The following PRKN variants were observed in gnomAD, a reference collection of about 807,000 sequenced individuals.
PRKN encodes parkin RBR E3 ubiquitin protein ligase.
PRKN carries 56 observed loss-of-function variants against 59.5 expected under a neutral mutation model. That is an observed-to-expected ratio of 0.94 (90% CI 0.76 to 1.18). PRKN has a LOEUF of 1.18. Among genes scored for constraint, PRKN ranks in the 50% most tolerant of loss-of-function variants. The pLI is 0.00. For missense variants in PRKN, 657 were observed against 596.4 expected (o/e 1.10, Z -1.06); for synonymous variants, 250 against 222.1 (o/e 1.13, Z -1.12).
At chr6:161,767,289 G>A (rs9365325) in intron 7 of PRKN, among the ~76,000 whole-genome samples, 72,401 of 151,710 alleles carry the variant, frequency 0.48, 20,053 homozygotes, top group Non-Finnish European at 0.61. Context: ...TGAGGCGGGC[G>A]GATCACTAGG....
intron 1 of PRKN, among the ~76,000 whole-genome samples, chr6:162,489,784 G>T (rs1436656622): frequency 6.6e-6 from 1 of 152,132 alleles, no homozygotes; most frequent in Non-Finnish European, 1.5e-5. Context: ...TGCTGTCCGT[G>T]CACTCACAAA....
At chr6:162,176,039 T>C (rs1042801680) in intron 4 of PRKN, among the ~76,000 whole-genome samples, 1 of 152,210 alleles carries the variant, frequency 6.6e-6, no homozygotes, top group Non-Finnish European at 1.5e-5. Context: ...TCTGGCAATA[T>C]GGTAGTTAGA....
chr6:162,523,844 C>A (rs1020846104), intron 1 of PRKN, among the ~76,000 whole-genome samples: 1 of 151,760 alleles, frequency 6.6e-6, no homozygotes, highest in Non-Finnish European at 1.5e-5. Flanking sequence ...TAGCACCACC[C>A]CATCTCTAAA....
At chr6:162,657,447 A>G (rs1277901917) in intron 1 of PRKN, among the ~76,000 whole-genome samples, 1 of 152,094 alleles carries the variant, frequency 6.6e-6, no homozygotes, top group Non-Finnish European at 1.5e-5. Context: ...TTCCATCAAT[A>G]TGTGTTTTAT....
rs1180657656 is a variant in PRKN at position 161,488,084 on chromosome 6, G to T, written c.1083+60770C>A. Among the ~76,000 whole-genome samples, 1 of 152,228 alleles carries T rather than the reference G, an allele frequency of 6.6e-6. No individual in the cohort carries two copies. Among genetic ancestry groups the T allele is most frequent in the Non-Finnish European group, 1.5e-5 (1 of 68,050 alleles). On this transcript the variant is annotated intron_variant, in intron 9 of 11. Transcript: ENST00000366898. The surrounding 1 kb of genome is among the most constrained non-coding windows in gnomAD (Gnocchi z 4.5). ...TGAAGAAAGCAGGGCTGGCTTACAG[G>T]GTGAGATCGTGCAGTGGTTGGGGAA...
At position 161,779,886 on chromosome 6, in the gene PRKN, A is replaced by C. The variant is rs535717503; in HGVS notation, c.871+5886T>G. ...GGTAATTGGCTGATTTATGCATTGA[A>C]TTATAGGAAATCCCAATCCCAACCT... is the stretch of plus-strand genomic sequence containing the variant. On this transcript the variant is annotated intron_variant, in intron 7 of 11. Transcript: ENST00000366898. Among the ~76,000 whole-genome samples the C allele has an allele frequency of 1.8e-4, 27 of 152,324 alleles. No homozygotes were observed. The South Asian group carries it at 5.4e-3, about 30-fold the overall frequency.
rs59174358 is a variant in PRKN at position 161,382,111 on chromosome 6, C to CAAAAAAAA, written c.1167+4675_1167+4682dup. Among the ~76,000 whole-genome samples, 174 of 46,236 alleles carry CAAAAAAAA rather than the reference C, an allele frequency of 3.8e-3. 5 individuals carry two copies. Among genetic ancestry groups the CAAAAAAAA allele is most frequent in the East Asian group, 8.4e-3 (12 of 1,434 alleles). 30.3% of individuals were successfully genotyped at this position (46,236 alleles called of 152,430 possible). ...TGGGTGAAAGAGCGAGACTCCATCT[C>CAAAAAAAA]AAAAAAAAAAAAAAAAAAAAAATCA... On this transcript the variant is annotated intron_variant, in intron 10 of 11. Transcript: ENST00000366898.
At chr6:162,294,613 G>A (rs1031319938) in intron 2 of PRKN, among the ~76,000 whole-genome samples, 14 of 152,128 alleles carry the variant, frequency 9.2e-5, no homozygotes, top group Non-Finnish European at 1.6e-4. Context: ...ATTTAATTGG[G>A]CAACTGGAAA....
intron 2 of PRKN, among the ~76,000 whole-genome samples, chr6:162,342,258 AC>A (rs1784212879): frequency 6.6e-6 from 1 of 151,308 alleles, no homozygotes; most frequent in Non-Finnish European, 1.5e-5. Flanking sequence ...ATTATGGCCA[AC>A]GTTTCCCTTC....
At position 161,920,785 on chromosome 6, in the gene PRKN, TA is replaced by T. The variant is rs74980727; in HGVS notation, c.734+52516del. On this transcript the variant is annotated intron_variant, in intron 6 of 11. Coordinates refer to ENST00000366898, the MANE Select transcript of PRKN (RefSeq NM_004562.3). Reference sequence around the variant, plus strand: ...AGCCTGGCAACAGAGTGAGACTGTCTAAAAAAAAAAAAAAAGAAACGTACCC... The same window carrying T: ...AGCCTGGCAACAGAGTGAGACTGTCTAAAAAAAAAAAAAAGAAACGTACCC... 4.8e-3 allele frequency among the ~76,000 whole-genome samples: 612 copies of T among 128,474 alleles called. 2 individuals are homozygous for T. The highest frequency in any genetic ancestry group is 0.01 in the African/African-American group (355 of 34,188). The allele number at this position is 128,474 out of a possible 152,430, so 84.3% of individuals were successfully genotyped here.
At chr6:162,211,463 A>G (rs1785194408) in intron 3 of PRKN, among the ~76,000 whole-genome samples, 1 of 152,168 alleles carries the variant, frequency 6.6e-6, no homozygotes, top group Admixed American at 6.5e-5. Context: ...GAATCAATAC[A>G]ATTTCTTTTT....
chr6:162,198,195 T>C (rs569387128), intron 4 of PRKN, among the ~76,000 whole-genome samples: 1 of 152,206 alleles, frequency 6.6e-6, no homozygotes, highest in South Asian at 2.1e-4. Flanking sequence ...AGGTGGAGCA[T>C]CTCTGGGAAC....
intron 6 of PRKN, among the ~76,000 whole-genome samples, chr6:161,835,922 A>G (rs916197997): frequency 6.6e-6 from 1 of 152,132 alleles, no homozygotes; most frequent in Non-Finnish European, 1.5e-5. Flanking sequence ...ACACAGACGC[A>G]TTTTCAGTTG....
At chr6:162,315,213 G>A (rs976371552) in intron 2 of PRKN, among the ~76,000 whole-genome samples, 4 of 152,018 alleles carry the variant, frequency 2.6e-5, no homozygotes, top group Non-Finnish European at 5.9e-5. Context: ...GAACTCTAAC[G>A]ACCGACTTCC....
chr6:162,163,949 C>T (rs1413281850), intron 4 of PRKN, among the ~76,000 whole-genome samples: 1 of 148,924 alleles, frequency 6.7e-6, no homozygotes, highest in African/African-American at 2.5e-5. Flanking sequence ...CTCGGTGACT[C>T]ACTAACATTT....
At position 161,473,195 on chromosome 6, in the gene PRKN, C is replaced by T. The variant is rs1208200347; in HGVS notation, c.1083+75659G>A. Among the ~76,000 whole-genome samples the T allele has an allele frequency of 1.3e-5, 2 of 152,062 alleles. No homozygotes were observed. Among genetic ancestry groups the T allele is most frequent in the Non-Finnish European group, 2.9e-5 (2 of 68,028 alleles). On this transcript the variant is annotated intron_variant, in intron 9 of 11. Coordinates refer to ENST00000366898, the MANE Select transcript of PRKN (RefSeq NM_004562.3). The surrounding 1 kb of genome is among the most constrained non-coding windows in gnomAD (Gnocchi z 4.1). The stretch of plus-strand genomic sequence containing the variant: ...AATTAGCACCTCACAGAGCTGCCTT[C>T]TTATGTTCACTGTGGCATTATTTAC...
chr6:162,311,339 G>A (rs1300001899), intron 2 of PRKN, among the ~76,000 whole-genome samples: 1 of 151,936 alleles, frequency 6.6e-6, no homozygotes, highest in Non-Finnish European at 1.5e-5. Flanking sequence ...CACTGATCTG[G>A]GTCTAATCAA....
At chr6:162,340,199 A>G (rs1784111296) in intron 2 of PRKN, among the ~76,000 whole-genome samples, 1 of 151,992 alleles carries the variant, frequency 6.6e-6, no homozygotes, top group African/African-American at 2.4e-5. Flanking sequence ...CGTGAGAACC[A>G]AGAAAATCAG....
chr6:162,264,375 G>A (rs1240469902), intron 2 of PRKN, among the ~76,000 whole-genome samples: 3 of 152,086 alleles, frequency 2.0e-5, no homozygotes, highest in Non-Finnish European at 4.4e-5. Flanking sequence ...GAACACTCAA[G>A]TGAAATGCAT....
Sources: gnomAD v4.1 joint callset for allele counts (sites outside exome capture counted in the v4.1 genomes callset) on GRCh38, gnomAD v4.1.1 for gene constraint, Gnocchi (gnomAD v3.1) non-coding constraint, MANE v1.5 for transcripts, NCBI Gene and HGNC (gene_info 2026-07-23, HGNC 2026-07-21) for gene names.